The following NSMAF variants were observed in gnomAD, a reference collection of about 807,000 sequenced individuals.
NSMAF encodes the protein neutral sphingomyelinase activation associated factor.
Under a neutral mutation model 134.9 loss-of-function variants are expected in NSMAF, and 90 were observed. The ratio of observed to expected loss-of-function variants is 0.67; its 90% CI spans 0.56 to 0.79. The LOEUF is 0.79. Ranked by LOEUF, NSMAF falls within the 30% of genes least tolerant of loss-of-function variation. NSMAF has a pLI of 0.00. For synonymous variants in NSMAF, 358 were observed against 389.6 expected (o/e 0.92, Z 0.96); for missense variants, 1,010 against 1,119.0 (o/e 0.90, Z 1.39).
chr8:58,653,458 A>T (rs751809073), intron 1 of NSMAF, among the ~76,000 whole-genome samples: 18 of 151,236 alleles, frequency 1.2e-4, no homozygotes, highest in Non-Finnish European at 2.2e-4. Flanking sequence ...CTAAAGCCTT[A>T]GGACACAGAA....
chr8:58,651,848 G>A (rs1807589540), intron 1 of NSMAF, among the ~76,000 whole-genome samples: 1 of 152,238 alleles, frequency 6.6e-6, no homozygotes, highest in African/African-American at 2.4e-5. Context: ...GGTGAGGCCT[G>A]AGAATGTGCA....
chr8:58,589,658 G>C, intron 25 of NSMAF, 83 bp from the exon 26 acceptor site: 1 of 1,337,292 alleles, frequency 7.5e-7, no homozygotes, highest in South Asian at 1.5e-5. Context: ...ACATTATGTT[G>C]TTTCATTCTA....
chr8:58,626,503 T>C lies in NSMAF; in HGVS notation c.385-2723A>G, dbSNP rs1806934851. Among the ~76,000 whole-genome samples the C allele has an allele frequency of 3.3e-5, 5 of 152,358 alleles. No individual in the cohort carries two copies. The South Asian group carries it at 1.0e-3, about 32-fold the overall frequency. ...TCCTGAGTTATTTAACTTAGAGTAA[T>C]GGCCTTTAGCTCCATCCAAGTTGCT... On this transcript the variant is annotated intron_variant, in intron 6 of 30. Transcript: ENST00000038176.
chr8:58,623,468 T>C (rs751535364), intron 7 of NSMAF, 44 bp from the exon 8 acceptor site: 4 of 1,566,830 alleles, frequency 2.6e-6, no homozygotes, highest in Non-Finnish European at 3.5e-6. Flanking sequence ...TTCTCTCAGA[T>C]GATATGAAGT....
At chr8:58,659,490 C>A (rs1264253304) in intron 1 of NSMAF, 83 bp downstream of exon 1, 1 of 1,499,326 alleles carries the variant, frequency 6.7e-7, no homozygotes, top group Non-Finnish European at 8.9e-7. Flanking sequence ...CGCCGCCTCC[C>A]GTCCCTCAGA....
At chr8:58,598,400 T>C (rs185207312) in intron 19 of NSMAF, among the ~76,000 whole-genome samples, 105 of 148,294 alleles carry the variant, frequency 7.1e-4, no homozygotes, top group African/African-American at 2.5e-3. Context: ...GGCAGGAGGA[T>C]TGCTTGAACC....
chr8:58,634,518 T>C (rs1807125516), intron 5 of NSMAF, among the ~76,000 whole-genome samples: 1 of 152,168 alleles, frequency 6.6e-6, no homozygotes. Flanking sequence ...CTCTGAACAC[T>C]TCAACACCCC....
In NSMAF at chr8:58,640,196, C is replaced by T. The variant is rs1317960882; in HGVS notation, c.149+2788G>A. On this transcript the variant is annotated intron_variant, in intron 2 of 30. Transcript: ENST00000038176. ...AGTAGATCTTATATGTTCTTATTCC[C>T]ACACACACAAAAGAAGGTAACTGTG... 1.6e-5 allele frequency: 6 copies of T among 370,734 alleles called. No homozygotes were observed. In the East Asian group the frequency reaches 5.4e-4, roughly 34 times the overall value. 23.0% of individuals were successfully genotyped at this position (370,734 alleles called of 1,614,324 possible). A position where few individuals can be genotyped will look rare whatever the true frequency, so the allele number is the denominator to read the frequency against.
chr8:58,641,956 T>C (rs767411086), intron 2 of NSMAF, among the ~76,000 whole-genome samples: 5 of 152,118 alleles, frequency 3.3e-5, no homozygotes, highest in Admixed American at 6.5e-5. Flanking sequence ...TATGATGATA[T>C]ACGATAGAAG....
At chr8:58,639,297 AAAG>A (rs57204135) in intron 2 of NSMAF, among the ~76,000 whole-genome samples, 42,820 of 146,712 alleles carry the variant, frequency 0.29, 5,760 homozygotes, top group East Asian at 0.37. Context: ...AAAAAAAAAA[AAAG>A]AAGAAGAAGA....
At position 58,601,462 on chromosome 8, in the gene NSMAF, A is replaced by G. The variant is rs757426305; in HGVS notation, c.1199T>C (p.Phe400Ser). Reference protein sequence around the residue: ...SHYSSPGYVLFYLVRIAPEYM... With the variant: ...SHYSSPGYVLSYLVRIAPEYM... ...AATCTTACCAATCCTAACAAGATAA[A>G]AAAGTACATAACCCGGGGAAGAGTA... is the stretch of plus-strand genomic sequence containing the variant. The change falls in exon 15 of 31, where the codon TTT (phenylalanine) becomes TCT (serine). Residue 400 changes from phenylalanine to serine, a missense_variant. Coordinates refer to ENST00000038176, the MANE Select transcript of NSMAF (RefSeq NM_003580.4). The G allele has an allele frequency of 1.9e-6, 3 of 1,613,836 alleles. No homozygotes were observed. The South Asian group carries it at 3.3e-5, about 18-fold the overall frequency.
intron 28 of NSMAF, 136 bp from the exon 29 acceptor site, chr8:58,586,136 C>CT (rs1369252732): frequency 1.3e-6 from 1 of 740,776 alleles, no homozygotes; most frequent in African/African-American, 1.7e-5. Context: ...TAAGCAATGA[C>CT]TATCCTCTCC....
chr8:58,599,734 C>G lies in NSMAF; in HGVS notation c.1453+16G>C. 1 of 1,612,292 alleles carries G rather than the reference C, an allele frequency of 6.2e-7. No individual in the cohort carries two copies. Among genetic ancestry groups the G allele is most frequent in the Non-Finnish European group, 8.5e-7 (1 of 1,179,138 alleles). Reference sequence around the variant, plus strand: ...AAAGCATGTCTATAATACAACACCTCCAAGGGGGGACTCACTGGAAGCCCA... The same window carrying G: ...AAAGCATGTCTATAATACAACACCTGCAAGGGGGGACTCACTGGAAGCCCA... On this transcript the variant is annotated intron_variant, in intron 18 of 30. Transcript: ENST00000038176.
At chr8:58,651,801 T>C (rs577511245) in intron 1 of NSMAF, among the ~76,000 whole-genome samples, 2 of 152,364 alleles carry the variant, frequency 1.3e-5, no homozygotes, top group Admixed American at 1.3e-4. Context: ...CAACTGGGGA[T>C]CTTGTTAAAA....
At chr8:58,607,941 T>G in intron 10 of NSMAF, 101 bp from the exon 11 acceptor site, 3 of 969,916 alleles carry the variant, frequency 3.1e-6, no homozygotes, top group Non-Finnish European at 4.9e-6. Context: ...CAAATCTTGC[T>G]TTCCTAATAA....
Position 58,583,938 on chromosome 8 carries a change from A to G in NSMAF, c.*168T>C. The stretch of plus-strand genomic sequence containing the variant: ...TATCTGCCCTAAGAGAATAGCAACT[A>G]ATGGCTTTCAATGAAGTCACCATGA... On this transcript the variant is annotated 3_prime_UTR_variant, in exon 31 of 31. Coordinates refer to ENST00000038176, the MANE Select transcript of NSMAF (RefSeq NM_003580.4). 1 of 625,994 alleles carries G rather than the reference A, an allele frequency of 1.6e-6. No individual in the cohort carries two copies. Among genetic ancestry groups the G allele is most frequent in the South Asian group, 1.9e-5 (1 of 53,980 alleles). 38.8% of individuals were successfully genotyped at this position (625,994 alleles called of 1,614,324 possible). A position where few individuals can be genotyped will look rare whatever the true frequency, so the allele number is the denominator to read the frequency against.
In NSMAF at chr8:58,602,843, T is replaced by A. The variant is rs555228263; in HGVS notation, c.1045+367A>T. 1.6e-3 allele frequency among the ~76,000 whole-genome samples: 239 copies of A among 152,318 alleles called. 1 individual carries two copies. Among genetic ancestry groups the A allele is most frequent in the Admixed American group, 5.6e-3 (85 of 15,302 alleles). On this transcript the variant is annotated intron_variant, in intron 13 of 30. Coordinates refer to ENST00000038176, the MANE Select transcript of NSMAF (RefSeq NM_003580.4). Reference sequence around the variant, plus strand: ...TTTCCAAGTGTTCTATAACAAATAATCACAGTTTTTAATGTGATTTTTAAA... The same window carrying A: ...TTTCCAAGTGTTCTATAACAAATAAACACAGTTTTTAATGTGATTTTTAAA...
At chr8:58,618,823 A>G (rs1806721973) in intron 9 of NSMAF, among the ~76,000 whole-genome samples, 1 of 152,176 alleles carries the variant, frequency 6.6e-6, no homozygotes. Flanking sequence ...CTCCTCAGAA[A>G]TACGATGAAA....
At chr8:58,619,201 G>C (rs780140545) in intron 9 of NSMAF, among the ~76,000 whole-genome samples, 29 of 152,150 alleles carry the variant, frequency 1.9e-4, no homozygotes, top group Non-Finnish European at 3.5e-4. Context: ...TAGTGAAGCA[G>C]AGAAAGAATC....
Sources: gnomAD v4.1 joint callset for allele counts (sites outside exome capture counted in the v4.1 genomes callset) on GRCh38, gnomAD v4.1.1 for gene constraint, MANE v1.5 for transcripts, NCBI Gene and HGNC (gene_info 2026-07-23, HGNC 2026-07-21) for gene names.